CADPS2: variants seen among roughly 807,000 people sequenced by gnomAD.
The protein encoded by CADPS2 is calcium-dependent secretion activator 2.
In CADPS2, 93 loss-of-function variants were observed where a neutral mutation model predicts 172.5. The ratio of observed to expected loss-of-function variants is 0.54; its 90% CI spans 0.46 to 0.64. The LOEUF is 0.64. CADPS2 is among the 30% of genes least tolerant of loss of function. CADPS2 has a pLI of 0.00. For synonymous variants in CADPS2, 546 were observed against 555.2 expected (o/e 0.98, Z 0.23); for missense variants, 1,420 against 1,565.9 (o/e 0.91, Z 1.57).
intron 3 of CADPS2, among the ~76,000 whole-genome samples, chr7:122,648,254 C>T (rs184998599): frequency 6.6e-6 from 1 of 152,192 alleles, no homozygotes; most frequent in East Asian, 1.9e-4. Context: ...GTCCTGGGCT[C>T]CTTTTCTCCT....
chr7:122,859,819 GTTTATTTGTAAT>G (rs1027190948), intron 1 of CADPS2, among the ~76,000 whole-genome samples: 7 of 151,796 alleles, frequency 4.6e-5, no homozygotes, highest in African/African-American at 1.5e-4. Flanking sequence ...ACTATTTTTT[GTTTATTTGTAAT>G]TTTATTTGTA....
In CADPS2 at chr7:122,640,496, T is replaced by TAG. The variant is rs995851452; in HGVS notation, c.787-11170_787-11169dup. Among the ~76,000 whole-genome samples the TAG allele has an allele frequency of 4.1e-3, 497 of 122,034 alleles. 1 individual carries two copies. The highest frequency in any genetic ancestry group is 0.014 in the African/African-American group (472 of 33,040). The allele number at this position is 122,034 out of a possible 152,430, so 80.1% of individuals were successfully genotyped here. On this transcript the variant is annotated intron_variant, in intron 3 of 29. Coordinates refer to ENST00000449022, the MANE Select transcript of CADPS2 (RefSeq NM_017954.11). The stretch of plus-strand genomic sequence containing the variant: ...ACACACACACACACACACACAGAGA[T>TAG]AGAGAGAGAGAGAGAGAAAAAAAAA...
chr7:122,729,437 A>T (rs1023593396), intron 2 of CADPS2, among the ~76,000 whole-genome samples: 3 of 150,900 alleles, frequency 2.0e-5, no homozygotes, highest in East Asian at 3.9e-4. Flanking sequence ...TTTTAAGGAA[A>T]CTCCATACTG....
chr7:122,551,453 A>T (rs1165257259), intron 8 of CADPS2, among the ~76,000 whole-genome samples: 1 of 152,070 alleles, frequency 6.6e-6, no homozygotes, highest in Non-Finnish European at 1.5e-5. Context: ...TATAAATAAC[A>T]TTGATAAAAA....
intron 6 of CADPS2, among the ~76,000 whole-genome samples, chr7:122,585,320 C>T (rs990055792): frequency 2.2e-4 from 34 of 151,460 alleles, no homozygotes; most frequent in Non-Finnish European, 4.3e-4. Context: ...CCCAACATTC[C>T]ACGATACAGG....
At chr7:122,395,305 T>G (rs1275964054) in intron 20 of CADPS2, among the ~76,000 whole-genome samples, 1 of 152,232 alleles carries the variant, frequency 6.6e-6, no homozygotes, top group Non-Finnish European at 1.5e-5. Context: ...AGATTTTTTT[T>G]TCTACCTCTA....
chr7:122,448,042 T>G (rs2052535477), intron 15 of CADPS2, among the ~76,000 whole-genome samples: 1 of 152,300 alleles, frequency 6.6e-6, no homozygotes, highest in African/African-American at 2.4e-5. Context: ...CTCAGAATTA[T>G]GAAGTTACTG....
intron 1 of CADPS2, among the ~76,000 whole-genome samples, chr7:122,844,557 C>T (rs1219365652): frequency 2.0e-5 from 3 of 152,104 alleles, no homozygotes; most frequent in Admixed American, 1.3e-4. Flanking sequence ...CATTAATGCA[C>T]AGGAAATATT....
rs1399612516 is a variant in CADPS2 at position 122,744,165 on chromosome 7, T to C, written c.340-7097A>G. On this transcript the variant is annotated intron_variant, in intron 1 of 29. Coordinates refer to ENST00000449022, the MANE Select transcript of CADPS2 (RefSeq NM_017954.11). ...GGCTAAAGTAAACACACTTTGCTTC[T>C]TTCTCTTTTTTCTTTTCCTGCTGAA... 5.3e-5 allele frequency among the ~76,000 whole-genome samples: 8 copies of C among 152,208 alleles called. No individual in the cohort carries two copies. The South Asian group carries it at 1.5e-3, about 28-fold the overall frequency.
At chr7:122,448,998 T>C (rs963661396) in intron 15 of CADPS2, among the ~76,000 whole-genome samples, 2 of 152,102 alleles carry the variant, frequency 1.3e-5, no homozygotes, top group African/African-American at 4.8e-5. Context: ...TGAAAGAGAA[T>C]AGCAATGTGA....
intron 9 of CADPS2, among the ~76,000 whole-genome samples, chr7:122,513,038 C>T (rs1441790021): frequency 6.6e-6 from 1 of 152,060 alleles, no homozygotes; most frequent in Admixed American, 6.6e-5. Flanking sequence ...AAAACAATGC[C>T]ACTTATTTCA....
chr7:122,664,064 C>CAAAAA (rs541690772), intron 2 of CADPS2, among the ~76,000 whole-genome samples: 27 of 84,848 alleles, frequency 3.2e-4, no homozygotes, highest in Non-Finnish European at 4.4e-4. Context: ...TGTTTATAAG[C>CAAAAA]AAAAAAAAAA....
intron 1 of CADPS2, among the ~76,000 whole-genome samples, chr7:122,781,059 C>G (rs1262266246): frequency 6.6e-6 from 1 of 152,194 alleles, no homozygotes; most frequent in Non-Finnish European, 1.5e-5. Flanking sequence ...TCTTACCACA[C>G]TCATGATTAT....
chr7:122,625,895 G>A (rs1198079251), intron 4 of CADPS2, among the ~76,000 whole-genome samples: 1 of 151,982 alleles, frequency 6.6e-6, no homozygotes, highest in Non-Finnish European at 1.5e-5. Context: ...CTAGATATAT[G>A]AAAATACAGA....
At chr7:122,580,321 GGTA>G (rs2068629540) in intron 7 of CADPS2, among the ~76,000 whole-genome samples, 2 of 151,914 alleles carry the variant, frequency 1.3e-5, no homozygotes, top group South Asian at 4.2e-4. Flanking sequence ...CAGGCAAGGT[GGTA>G]TGTGCCTGTG....
At chr7:122,449,168 T>C (rs1169310780) in intron 15 of CADPS2, among the ~76,000 whole-genome samples, 1 of 152,138 alleles carries the variant, frequency 6.6e-6, no homozygotes, top group Non-Finnish European at 1.5e-5. Context: ...GATATAATAA[T>C]GGGGACTTAT....
chr7:122,505,146 G>A (rs1563535636), intron 9 of CADPS2, among the ~76,000 whole-genome samples: 1 of 152,130 alleles, frequency 6.6e-6, no homozygotes, highest in Non-Finnish European at 1.5e-5. Flanking sequence ...ATGTGTTAAA[G>A]AGTACAGACT....
intron 1 of CADPS2, among the ~76,000 whole-genome samples, chr7:122,819,228 C>A (rs1397493381): frequency 6.6e-6 from 1 of 152,144 alleles, no homozygotes; most frequent in Non-Finnish European, 1.5e-5. Flanking sequence ...CCAAGGAATG[C>A]CCGCAGCCCA....
intron 1 of CADPS2, among the ~76,000 whole-genome samples, chr7:122,760,124 A>T (rs1032505859): frequency 6.6e-5 from 10 of 152,056 alleles, no homozygotes; most frequent in African/African-American, 2.2e-4. Flanking sequence ...GCATACATAG[A>T]TATAGACACA....
Sources: allele counts gnomAD v4.1 joint callset (sites outside exome capture counted in the v4.1 genomes callset), GRCh38; gene constraint gnomAD v4.1.1; transcripts MANE v1.5; gene names NCBI Gene and HGNC (gene_info 2026-07-23, HGNC 2026-07-21).